The following PIK3C2G variants were observed in gnomAD, a reference collection of about 807,000 sequenced individuals.
The protein encoded by PIK3C2G is phosphatidylinositol 3-kinase C2 domain-containing subunit gamma.
In PIK3C2G, 168 loss-of-function variants were observed where a neutral mutation model predicts 181.1. The observed-to-expected ratio is 0.93, with a 90% CI of 0.82 to 1.05. The LOEUF is 1.05. PIK3C2G is among the 50% of genes least tolerant of loss of function. The probability of loss-of-function intolerance (pLI) is 0.00; values close to 1 mark genes in which losing one functional copy is unlikely to be tolerated. For synonymous variants in PIK3C2G, 573 were observed against 592.2 expected (o/e 0.97, Z 0.47); for missense variants, 1,869 against 1,732.8 (o/e 1.08, Z -1.40).
At chr12:18,435,854 C>T (rs948703907) in intron 18 of PIK3C2G, among the ~76,000 whole-genome samples, 1 of 151,736 alleles carries the variant, frequency 6.6e-6, no homozygotes, top group Non-Finnish European at 1.5e-5. Flanking sequence ...CCTTGGCTCC[C>T]TTGTACACAT....
intron 8 of PIK3C2G, among the ~76,000 whole-genome samples, chr12:18,330,208 G>A (rs1210165272): frequency 6.6e-6 from 1 of 152,040 alleles, no homozygotes; most frequent in African/African-American, 2.4e-5. Flanking sequence ...TGTTAAGTGG[G>A]TAGTTTGACT....
intron 19 of PIK3C2G, among the ~76,000 whole-genome samples, chr12:18,489,965 A>T (rs924012863): frequency 6.6e-6 from 1 of 152,118 alleles, no homozygotes; most frequent in South Asian, 2.1e-4. Context: ...ACATCTCTTC[A>T]CATAGGAAAA....
chr12:18,438,293 C>T (rs1004049751), intron 18 of PIK3C2G, among the ~76,000 whole-genome samples: 4 of 151,780 alleles, frequency 2.6e-5, no homozygotes, highest in African/African-American at 4.8e-5. Flanking sequence ...GGTGATCAGA[C>T]GGTGACTTGG....
chr12:18,656,424 G>A, the PIK3C2G span, among the ~76,000 whole-genome samples: 46 of 152,208 alleles, frequency 3.0e-4, no homozygotes, highest in East Asian at 6.2e-3. Flanking sequence ...AAATTAGCTG[G>A]GCATGGTGGC....
the PIK3C2G span, among the ~76,000 whole-genome samples, chr12:18,719,267 T>C: frequency 6.6e-6 from 1 of 152,280 alleles, no homozygotes; most frequent in South Asian, 2.1e-4. Context: ...TTCATCCAAA[T>C]GTTGGATCTT....
chr12:18,368,096 C>T (rs1046942732), intron 12 of PIK3C2G, among the ~76,000 whole-genome samples: 1 of 152,064 alleles, frequency 6.6e-6, no homozygotes, highest in East Asian at 1.9e-4. Flanking sequence ...ATCCAGTCAC[C>T]TCCTCCCAGG....
intron 3 of PIK3C2G, among the ~76,000 whole-genome samples, chr12:18,288,857 A>T (rs569959466): frequency 4.9e-4 from 75 of 152,292 alleles, no homozygotes; most frequent in African/African-American, 1.7e-3. Flanking sequence ...TGCACTAGTG[A>T]CATCGAAATA....
chr12:18,249,961 T>G (rs557365730), intron 1 of PIK3C2G, among the ~76,000 whole-genome samples: 96 of 152,060 alleles, frequency 6.3e-4, no homozygotes, highest in Non-Finnish European at 1.3e-3. Flanking sequence ...AATATCACAG[T>G]GAAAATAATA....
chr12:18,565,730 A>C (rs1307132150), intron 28 of PIK3C2G, among the ~76,000 whole-genome samples: 4 of 152,172 alleles, frequency 2.6e-5, no homozygotes, highest in African/African-American at 9.7e-5. Flanking sequence ...ACTTTCATGT[A>C]CTCATTTATA....
chr12:18,649,285 C>A (rs891762311), downstream of PIK3C2G, among the ~76,000 whole-genome samples: 2 of 152,066 alleles, frequency 1.3e-5, no homozygotes, highest in Admixed American at 6.6e-5. Context: ...TCCAGGTAAG[C>A]AAATTCCATG....
chr12:18,567,969 G>A (rs545575723), intron 29 of PIK3C2G, among the ~76,000 whole-genome samples: 13 of 152,146 alleles, frequency 8.5e-5, no homozygotes, highest in Non-Finnish European at 1.5e-4. Flanking sequence ...CTCTTCCAGC[G>A]ACACAGTGGC....
chr12:18,475,841 C>T (rs976017401), intron 18 of PIK3C2G, among the ~76,000 whole-genome samples: 6 of 152,120 alleles, frequency 3.9e-5, no homozygotes, highest in Admixed American at 2.6e-4. Flanking sequence ...AATTCCCAAG[C>T]TATTACTAGG....
chr12:18,634,755 G>A (rs866072949), intron 31 of PIK3C2G, among the ~76,000 whole-genome samples: 1 of 152,086 alleles, frequency 6.6e-6, no homozygotes. Flanking sequence ...GGGTGACAGG[G>A]GAAAGAGGCT....
intron 24 of PIK3C2G, among the ~76,000 whole-genome samples, chr12:18,537,457 A>G (rs982199953): frequency 5.3e-5 from 8 of 151,444 alleles, no homozygotes; most frequent in African/African-American, 1.5e-4. Flanking sequence ...CGTATCTTAA[A>G]TGACATGATA....
At chr12:18,717,552 A>G in the PIK3C2G span, among the ~76,000 whole-genome samples, 116 of 152,272 alleles carry the variant, frequency 7.6e-4, no homozygotes, top group South Asian at 8.7e-3. Context: ...TTCCACACAC[A>G]CATAGATCAG....
At chr12:18,378,891 T>C (rs1276511120) in intron 13 of PIK3C2G, among the ~76,000 whole-genome samples, 1 of 152,012 alleles carries the variant, frequency 6.6e-6, no homozygotes, top group Non-Finnish European at 1.5e-5. Context: ...AGTGGAGAAA[T>C]AGGAACACTT....
chr12:18,440,594 G>A (rs903911499), intron 18 of PIK3C2G, among the ~76,000 whole-genome samples: 2 of 152,122 alleles, frequency 1.3e-5, no homozygotes, highest in African/African-American at 2.4e-5. Context: ...CCAGGAAGAA[G>A]TAATAGCGTG....
chr12:18,693,919 C>G, the PIK3C2G span: 1 of 1,526,506 alleles, frequency 6.6e-7, no homozygotes, highest in Non-Finnish European at 9.1e-7. Flanking sequence ...TAACCCTGCA[C>G]GACTTGATCA....
chr12:18,697,768 T>C, the PIK3C2G span, among the ~76,000 whole-genome samples: 1 of 150,968 alleles, frequency 6.6e-6, no homozygotes, highest in African/African-American at 2.4e-5. Flanking sequence ...AATGTGAACA[T>C]CATTTCATTT....
Sources: gnomAD v4.1 joint callset for allele counts (sites outside exome capture counted in the v4.1 genomes callset) on GRCh38, gnomAD v4.1.1 for gene constraint, MANE v1.5 for transcripts, NCBI Gene and HGNC (gene_info 2026-07-23, HGNC 2026-07-21) for gene names.